DYNC2H1: variants seen among roughly 807,000 people sequenced by gnomAD.
DYNC2H1 encodes the protein dynein cytoplasmic 2 heavy chain 1.
In DYNC2H1, 410 loss-of-function variants were observed where a neutral mutation model predicts 570.0. The ratio of observed to expected loss-of-function variants is 0.72; its 90% CI spans 0.66 to 0.78. The LOEUF (loss-of-function observed/expected upper bound fraction) is 0.78, where lower values mean the gene tolerates loss of function less well. DYNC2H1 is among the 30% of genes least tolerant of loss of function. DYNC2H1 has a pLI of 0.00. For missense variants in DYNC2H1, 4,865 were observed against 5,046.4 expected (o/e 0.96, Z 1.09); for synonymous variants, 1,688 against 1,677.6 (o/e 1.01, Z -0.15).
At position 103,361,046 on chromosome 11, in the gene DYNC2H1, A is replaced by G. The variant is rs116313279; in HGVS notation, c.12156+2687A>G. Among the ~76,000 whole-genome samples the G allele has an allele frequency of 5.9e-3, 894 of 152,324 alleles. 6 individuals carry two copies. Among genetic ancestry groups the G allele is most frequent in the African/African-American group, 0.02 (851 of 41,572 alleles). ...CCAGAGAAGAGAAAATGTTTGGCGC[A>G]TTCAATAAAACTGAAAGGATGTCAG... On this transcript the variant is annotated intron_variant, in intron 83 of 88. Transcript: ENST00000375735.
At chr11:103,399,567 C>A in intron 83 of DYNC2H1, 96 bp from the exon 84 acceptor site, 2 of 838,012 alleles carry the variant, frequency 2.4e-6, no homozygotes, top group Non-Finnish European at 3.6e-6. Context: ...GTTTTTAAAA[C>A]AGAATAGAAC....
intron 88 of DYNC2H1, among the ~76,000 whole-genome samples, chr11:103,475,431 T>C (rs1280194627): frequency 3.3e-5 from 5 of 152,194 alleles, no homozygotes; most frequent in Non-Finnish European, 5.9e-5. Context: ...GTCATAATAA[T>C]TTAATTCAGT....
chr11:103,382,103 C>T (rs1941673187), intron 83 of DYNC2H1, among the ~76,000 whole-genome samples: 1 of 116,944 alleles, frequency 8.6e-6, no homozygotes, highest in Non-Finnish European at 1.9e-5. Context: ...TACCAGCTAC[C>T]ACCCAGCAAT....
chr11:103,420,334 C>T (rs549400653), intron 84 of DYNC2H1, among the ~76,000 whole-genome samples: 2 of 152,226 alleles, frequency 1.3e-5, no homozygotes, highest in South Asian at 4.1e-4. Flanking sequence ...CCCCAAGATG[C>T]ATAGCAAGGC....
chr11:103,189,872 C>T lies in DYNC2H1; in HGVS notation c.7437+56C>T. On this transcript the variant is annotated intron_variant, in intron 45 of 88. Transcript: ENST00000375735. The surrounding 1 kb of genome is among the most constrained non-coding windows in gnomAD (Gnocchi z 4.3). ...GTCTATTAGTATCATTTCTAAAGGTCTACTTTTAATTCTGACCTCTGTGTT... is the reference window on the plus strand; with the variant it reads ...GTCTATTAGTATCATTTCTAAAGGTTTACTTTTAATTCTGACCTCTGTGTT... The T allele has an allele frequency of 2.0e-6, 3 of 1,503,770 alleles. No individual in the cohort carries two copies. The South Asian group carries it at 4.1e-5, about 21-fold the overall frequency. The allele number at this position is 1,503,770 out of a possible 1,614,324, so 93.2% of individuals were successfully genotyped here.
At chr11:103,354,798 T>G (rs573410589) in intron 82 of DYNC2H1, among the ~76,000 whole-genome samples, 110 of 140,396 alleles carry the variant, frequency 7.8e-4, no homozygotes, top group Middle Eastern at 3.6e-3. Flanking sequence ...TTCTAGCTTC[T>G]TGTAAGATCT....
At chr11:103,167,026 A>G (rs956796937) in intron 31 of DYNC2H1, among the ~76,000 whole-genome samples, 16 of 16,460 alleles carry the variant, frequency 9.7e-4, no homozygotes, top group African/African-American at 2.9e-3. Flanking sequence ...TTTCCTCTTT[A>G]TTAGCCTGCA....
chr11:103,371,205 A>T (rs920799878), intron 83 of DYNC2H1, among the ~76,000 whole-genome samples: 3 of 152,120 alleles, frequency 2.0e-5, no homozygotes, highest in Non-Finnish European at 4.4e-5. Context: ...AACAGAATTC[A>T]TCAAGCAGAA....
chr11:103,343,718 CAATAA>C (rs111312968), intron 82 of DYNC2H1, among the ~76,000 whole-genome samples: 1 of 151,610 alleles, frequency 6.6e-6, no homozygotes, highest in Admixed American at 6.6e-5. Flanking sequence ...CCTTGTCAAT[CAATAA>C]AATAAAATAA....
At chr11:103,218,723 AC>A in intron 55 of DYNC2H1, among the ~76,000 whole-genome samples, 1 of 152,332 alleles carries the variant, frequency 6.6e-6, no homozygotes, top group African/African-American at 2.4e-5. Flanking sequence ...AGTATCTGCT[AC>A]TTTTTTCTCT....
chr11:103,419,907 G>A lies in DYNC2H1; in HGVS notation c.12367-16036G>A, dbSNP rs549102699. 1.2e-3 allele frequency among the ~76,000 whole-genome samples: 177 copies of A among 152,236 alleles called. 4 individuals are homozygous for A. The highest frequency in any genetic ancestry group is 5.7e-4 in the Non-Finnish European group (39 of 68,016). Reference sequence around the variant, plus strand: ...ATCATGGTAAAACCATTCAGGAGCCGAGAGCCAGAATAGCCAGTTTAGAGA... The same window carrying A: ...ATCATGGTAAAACCATTCAGGAGCCAAGAGCCAGAATAGCCAGTTTAGAGA... On this transcript the variant is annotated intron_variant, in intron 84 of 88. Transcript: ENST00000375735.
chr11:103,393,237 A>T (rs1451986190), intron 83 of DYNC2H1, among the ~76,000 whole-genome samples: 1 of 152,204 alleles, frequency 6.6e-6, no homozygotes, highest in Non-Finnish European at 1.5e-5. Context: ...TGCCTGACAC[A>T]TAGTCAGTAC....
Position 103,326,795 on chromosome 11 carries a change from G to A in DYNC2H1, c.12039+2805G>A, listed in dbSNP as rs1270424517. Reference sequence around the variant, plus strand: ...GGGGGAAGCCAGCCTGCTGTCTCTTGGCCTGGCAGTCAGCTGATGCTAGAG... The same window carrying A: ...GGGGGAAGCCAGCCTGCTGTCTCTTAGCCTGGCAGTCAGCTGATGCTAGAG... On this transcript the variant is annotated intron_variant, in intron 82 of 88. Coordinates refer to ENST00000375735, the MANE Select transcript of DYNC2H1 (RefSeq NM_001377.3). The surrounding 1 kb of genome is among the most constrained non-coding windows in gnomAD (Gnocchi z 6.1). Among the ~76,000 whole-genome samples, 3 of 152,220 alleles carry A rather than the reference G, an allele frequency of 2.0e-5. No individual in the cohort carries two copies. Among genetic ancestry groups the A allele is most frequent in the African/African-American group, 7.2e-5 (3 of 41,458 alleles).
In DYNC2H1 at chr11:103,268,158, C is replaced by A. The variant is rs942101733; in HGVS notation, c.10695+8181C>A. Among the ~76,000 whole-genome samples the A allele has an allele frequency of 6.6e-6, 1 of 151,962 alleles. No individual in the cohort carries two copies. The highest frequency in any genetic ancestry group is 2.4e-5 in the African/African-American group (1 of 41,418). The stretch of plus-strand genomic sequence containing the variant: ...CTTTATAAATCTTATTGAATATTAG[C>A]AGATTGCTTTCTGAAAAGCTTTTTA... On this transcript the variant is annotated intron_variant, in intron 70 of 88. Coordinates refer to ENST00000375735, the MANE Select transcript of DYNC2H1 (RefSeq NM_001377.3). This position sits in a 1 kb window ranked among gnomAD's most constrained non-coding sequence, Gnocchi z 4.6.
chr11:103,222,093 G>C lies in DYNC2H1; in HGVS notation c.9171G>C (p.Lys3057Asn). 1 of 1,603,720 alleles carries C rather than the reference G, an allele frequency of 6.2e-7. No individual in the cohort carries two copies. Among genetic ancestry groups the C allele is most frequent in the Non-Finnish European group, 8.5e-7 (1 of 1,173,658 alleles). Residue 3057 changes from lysine (K) to asparagine (N), a missense_variant, in exon 58 of 89, where the codon AAG (lysine) becomes AAC (asparagine). Around this residue, in one of 5 missense-constraint regions of DYNC2H1, gnomAD observed 2,401 missense variants for 2,454.6 expected, o/e 0.98. Transcript: ENST00000375735. ...IATFDARNIS[K>N]EIRESVEELL... is the part of the protein sequence containing the mutation. Reference sequence around the variant, plus strand: ...CCTTTGATGCCCGAAATATTTCAAAGGAAATAAGAGAGAGTGTTGAAGAAC... The same window carrying C: ...CCTTTGATGCCCGAAATATTTCAAACGAAATAAGAGAGAGTGTTGAAGAAC...
chr11:103,120,152 G>GT (rs1187376299), intron 6 of DYNC2H1, among the ~76,000 whole-genome samples: 1 of 152,058 alleles, frequency 6.6e-6, no homozygotes, highest in Non-Finnish European at 1.5e-5. Context: ...AGTTTAAACA[G>GT]TTTTTTAAAC....
intron 26 of DYNC2H1, among the ~76,000 whole-genome samples, chr11:103,158,109 T>C (rs983720920): frequency 5.9e-5 from 9 of 152,370 alleles, no homozygotes; most frequent in Non-Finnish European, 1.3e-4. Context: ...ATTTGATGTC[T>C]TTTGCTGTCA....
intron 84 of DYNC2H1, among the ~76,000 whole-genome samples, chr11:103,413,752 CT>C (rs1943176482): frequency 1.3e-5 from 2 of 152,200 alleles, no homozygotes; most frequent in South Asian, 2.1e-4. Context: ...ATTATATGTA[CT>C]TATAATGTAA....
chr11:103,255,445 C>G lies in DYNC2H1; in HGVS notation c.10237C>G (p.Pro3413Ala), dbSNP rs786204223. The G allele has an allele frequency of 7.7e-6, 12 of 1,567,258 alleles. No homozygotes were observed. The highest frequency in any genetic ancestry group is 1.0e-5 in the Non-Finnish European group (12 of 1,155,052). Residue 3413 changes from proline to alanine, a missense_variant, in exon 67 of 89, where the codon CCT becomes GCT. Coordinates refer to ENST00000375735, the MANE Select transcript of DYNC2H1 (RefSeq NM_001377.3). ...LLALTIQHEK[P>A]DLEEQKTKLL... ...AGCTTTAACCATTCAGCATGAGAAA[C>G]CTGATTTAGAAGAACAGAAAACAAA...
Sources: gnomAD v4.1 joint callset for allele counts (sites outside exome capture counted in the v4.1 genomes callset) on GRCh38, gnomAD v4.1.1 for gene constraint, gnomAD v4.1.1 regional missense constraint, Gnocchi (gnomAD v3.1) non-coding constraint, MANE v1.5 for transcripts, NCBI Gene and HGNC (gene_info 2026-07-23, HGNC 2026-07-21) for gene names.